ADAMTSL1: variants seen among roughly 807,000 people sequenced by gnomAD.
The protein encoded by ADAMTSL1 is ADAMTS-like protein 1.
Under a neutral mutation model 201.8 loss-of-function variants are expected in ADAMTSL1, and 126 were observed. That is an observed-to-expected ratio of 0.62 (90% CI 0.54 to 0.72). The LOEUF (loss-of-function observed/expected upper bound fraction) is 0.72, where lower values mean the gene tolerates loss of function less well. Among genes scored for constraint, ADAMTSL1 ranks in the 30% least tolerant of loss-of-function variants. The pLI is 0.00. For missense variants in ADAMTSL1, 2,679 were observed against 2,277.8 expected (o/e 1.18, Z -3.59); for synonymous variants, 1,121 against 903.4 (o/e 1.24, Z -4.32).
intron 13 of ADAMTSL1, among the ~76,000 whole-genome samples, chr9:18,686,509 A>G (rs547115849): frequency 6.6e-6 from 1 of 152,316 alleles, no homozygotes; most frequent in South Asian, 2.1e-4. Flanking sequence ...TAACTTCTTA[A>G]TCCAGTAAGG....
At chr9:18,753,637 C>G (rs747245943) in intron 16 of ADAMTSL1, 129 bp downstream of exon 16, 8 of 1,011,706 alleles carry the variant, frequency 7.9e-6, no homozygotes, top group East Asian at 5.2e-5. Context: ...TTTCTCCCTT[C>G]TTAGTACTCC....
In ADAMTSL1 at chr9:17,972,000, T is replaced by C. The variant is rs116612757; in HGVS notation, c.87+65078T>C. ...AAAATAGAATTGACAAAATTATATA[T>C]ATTTAAGGCGTACAATGTGATGTTT... On this transcript the variant is annotated intron_variant, in intron 1 of 29. Coordinates refer to the ADAMTSL1 transcript ENST00000680146. Among the ~76,000 whole-genome samples, 624 of 151,902 alleles carry C rather than the reference T, an allele frequency of 4.1e-3. 7 individuals carry two copies. The highest frequency in any genetic ancestry group is 0.014 in the African/African-American group (585 of 41,498).
intron 1 of ADAMTSL1, among the ~76,000 whole-genome samples, chr9:18,007,705 G>C (rs1443388660): frequency 6.6e-6 from 1 of 151,882 alleles, no homozygotes; most frequent in Non-Finnish European, 1.5e-5. Flanking sequence ...AGAAGTGAAG[G>C]GGGAAGCAGA....
intron 19 of ADAMTSL1, among the ~76,000 whole-genome samples, chr9:18,783,112 G>A (rs1226439606): frequency 6.6e-6 from 1 of 152,164 alleles, no homozygotes; most frequent in Non-Finnish European, 1.5e-5. Context: ...CTAGTAAGGG[G>A]CCATTGCAGT....
At chr9:18,424,504 A>G (rs968661692) in intron 2 of ADAMTSL1, among the ~76,000 whole-genome samples, 2 of 152,228 alleles carry the variant, frequency 1.3e-5, no homozygotes, top group Admixed American at 6.5e-5. Context: ...AACAAGTACT[A>G]TGGGGTAGAT....
chr9:18,212,263 T>C (rs1829903814), intron 2 of ADAMTSL1, among the ~76,000 whole-genome samples: 1 of 152,184 alleles, frequency 6.6e-6, no homozygotes, highest in South Asian at 2.1e-4. Flanking sequence ...TCAAAGTCTC[T>C]GTGGTAGGAG....
chr9:18,187,700 G>A (rs1386595001), intron 2 of ADAMTSL1, among the ~76,000 whole-genome samples: 1 of 152,008 alleles, frequency 6.6e-6, no homozygotes, highest in Non-Finnish European at 1.5e-5. Flanking sequence ...TAGTAAGTTT[G>A]TAATTTAAAA....
rs1273491010 is a variant in ADAMTSL1, at chr9:18,454,571, C to T, written c.208-50258C>T. Among the ~76,000 whole-genome samples, 5 of 152,276 alleles carry T rather than the reference C, an allele frequency of 3.3e-5. No homozygotes were observed. In the South Asian group the frequency reaches 6.2e-4, roughly 19 times the overall value. Reference sequence around the variant, plus strand: ...GCAAATGTCTCGATATGTCTGGGAACACACCTATCCCTCTCAGTTATTGTT... The same window carrying T: ...GCAAATGTCTCGATATGTCTGGGAATACACCTATCCCTCTCAGTTATTGTT... On this transcript the variant is annotated intron_variant, in intron 2 of 29. Transcript: ENST00000680146.
chr9:18,420,578 G>A (rs1818898729), intron 2 of ADAMTSL1, among the ~76,000 whole-genome samples: 1 of 152,152 alleles, frequency 6.6e-6, no homozygotes, highest in African/African-American at 2.4e-5. Context: ...GTGGCATGGA[G>A]AGCTGTGCCC....
At chr9:18,066,931 G>A (rs527548014) in intron 1 of ADAMTSL1, among the ~76,000 whole-genome samples, 10 of 152,232 alleles carry the variant, frequency 6.6e-5, no homozygotes, top group African/African-American at 2.4e-4. Context: ...GGTGGGAATT[G>A]AACAATGAGA....
chr9:17,988,306 A>G (rs1377805573), intron 1 of ADAMTSL1, among the ~76,000 whole-genome samples: 1 of 152,092 alleles, frequency 6.6e-6, no homozygotes, highest in African/African-American at 2.4e-5. Flanking sequence ...GTTACTCTCT[A>G]TTGACCTTAT....
intron 23 of ADAMTSL1, among the ~76,000 whole-genome samples, chr9:18,856,866 C>A (rs1826887732): frequency 6.6e-6 from 1 of 152,104 alleles, no homozygotes; most frequent in South Asian, 2.1e-4. Flanking sequence ...AGACAAGACA[C>A]TTATTTTCAG....
At chr9:18,163,862 G>T (rs1827516167) in exon 2 of ADAMTSL1, 1 of 151,994 alleles carries the variant, frequency 6.6e-6, no homozygotes. Context: ...ATCTCTCTAG[G>T]TATGCGGAGA....
At chr9:18,773,566 A>G (rs1343256109) in intron 17 of ADAMTSL1, among the ~76,000 whole-genome samples, 1 of 152,232 alleles carries the variant, frequency 6.6e-6, no homozygotes, top group African/African-American at 2.4e-5. Flanking sequence ...TTTTGGTTTA[A>G]GTTTGAGTAG....
intron 1 of ADAMTSL1, among the ~76,000 whole-genome samples, chr9:17,945,944 T>C (rs1192853609): frequency 3.3e-5 from 5 of 151,980 alleles, no homozygotes; most frequent in Non-Finnish European, 1.5e-5. Flanking sequence ...GGTGCACATG[T>C]ACCCTAAAAC....
intron 2 of ADAMTSL1, among the ~76,000 whole-genome samples, chr9:18,391,824 C>CTTTTTTTTTTTT (rs11407945): frequency 1.7e-5 from 2 of 116,738 alleles, no homozygotes; most frequent in Non-Finnish European, 1.7e-5. Flanking sequence ...TCTTTTCTTT[C>CTTTTTTTTTTTT]TTTTTTTTTT....
At chr9:18,133,889 C>T (rs1419382815) in intron 1 of ADAMTSL1, among the ~76,000 whole-genome samples, 1 of 152,144 alleles carries the variant, frequency 6.6e-6, no homozygotes, top group African/African-American at 2.4e-5. Flanking sequence ...AACCATGATA[C>T]AATATTACAT....
At position 18,104,640 on chromosome 9, in the gene ADAMTSL1, A is replaced by G. The variant is rs537053371; in HGVS notation, c.88-59222A>G. 1.6e-3 allele frequency among the ~76,000 whole-genome samples: 239 copies of G among 152,254 alleles called. 1 individual carries two copies. The highest frequency in any genetic ancestry group is 5.5e-3 in the African/African-American group (227 of 41,558). Reference sequence around the variant, plus strand: ...GATGAACAATTACCTGTTGGGTTCAATATACACTCTTCAGGTGATGGGCGC... The same window carrying G: ...GATGAACAATTACCTGTTGGGTTCAGTATACACTCTTCAGGTGATGGGCGC... On this transcript the variant is annotated intron_variant, in intron 1 of 29. Coordinates refer to the ADAMTSL1 transcript ENST00000680146.
At chr9:18,398,020 C>T (rs1459557378) in intron 2 of ADAMTSL1, among the ~76,000 whole-genome samples, 2 of 152,134 alleles carry the variant, frequency 1.3e-5, no homozygotes, top group African/African-American at 4.8e-5. Flanking sequence ...GGGCAGTGTA[C>T]ATCAAGATGT....
Sources: gnomAD v4.1 joint callset for allele counts (sites outside exome capture counted in the v4.1 genomes callset) on GRCh38, gnomAD v4.1.1 for gene constraint, MANE v1.5 for transcripts, NCBI Gene and HGNC (gene_info 2026-07-23, HGNC 2026-07-21) for gene names.